Variants in CPA6 observed in about 807,000 individuals in gnomAD.
CPA6 encodes the protein carboxypeptidase A6, also known as carboxypeptidase B.
CPA6 carries 58 observed loss-of-function variants against 63.3 expected under a neutral mutation model. That is an observed-to-expected ratio of 0.92 (90% CI 0.74 to 1.14). The LOEUF is 1.14. Among genes scored for constraint, CPA6 ranks in the 50% most tolerant of loss-of-function variants. The pLI is 0.00. For missense variants in CPA6, 565 were observed against 526.6 expected, an observed-to-expected ratio of 1.07 and a Z score of -0.71; for synonymous variants, 185 against 179.0, an observed-to-expected ratio of 1.03 and a Z score of -0.27.
intron 1 of CPA6, among the ~76,000 whole-genome samples, chr8:67,708,864 G>A (rs1817194487): frequency 6.6e-6 from 1 of 152,100 alleles, no homozygotes; most frequent in Admixed American, 6.6e-5. Flanking sequence ...AGCAGGAGAG[G>A]GCCCCCAACC....
chr8:67,540,875 G>T (rs1363561233), intron 2 of CPA6, among the ~76,000 whole-genome samples: 1 of 152,200 alleles, frequency 6.6e-6, no homozygotes, highest in African/African-American at 2.4e-5. Context: ...CAGTGTCCCA[G>T]GTTGACTTCA....
chr8:67,529,439 G>A (rs1194258805), intron 2 of CPA6, among the ~76,000 whole-genome samples: 2 of 152,128 alleles, frequency 1.3e-5, no homozygotes, highest in Non-Finnish European at 2.9e-5. Flanking sequence ...TACCACTGAG[G>A]AGTATGGAAG....
At chr8:67,467,564 A>AT (rs1346967108) in intron 8 of CPA6, among the ~76,000 whole-genome samples, 3 of 152,114 alleles carry the variant, frequency 2.0e-5, no homozygotes, top group Non-Finnish European at 4.4e-5. Context: ...CTGGTGTCTT[A>AT]ATAAGTGCTG....
intron 2 of CPA6, among the ~76,000 whole-genome samples, chr8:67,532,181 A>G (rs926376614): frequency 2.0e-5 from 3 of 152,172 alleles, no homozygotes; most frequent in African/African-American, 7.2e-5. Flanking sequence ...AATAGAAAAT[A>G]AAAGTGTTAG....
intron 1 of CPA6, among the ~76,000 whole-genome samples, chr8:67,686,438 T>G (rs1263869954): frequency 6.6e-6 from 1 of 152,232 alleles, no homozygotes; most frequent in South Asian, 2.1e-4. Flanking sequence ...CCTCTTTTAT[T>G]ACATGTACAT....
intron 1 of CPA6, among the ~76,000 whole-genome samples, chr8:67,706,047 G>T (rs1817127603): frequency 6.6e-6 from 1 of 152,072 alleles, no homozygotes. Flanking sequence ...TTTACAAAGA[G>T]GAATGCTTAG....
chr8:67,732,544 A>T (rs1398974544), intron 1 of CPA6: 1 of 152,264 alleles, frequency 6.6e-6, no homozygotes, highest in Non-Finnish European at 1.5e-5. Flanking sequence ...TAGGACATCC[A>T]CATACAACTG....
intron 8 of CPA6, among the ~76,000 whole-genome samples, chr8:67,445,404 T>C (rs567374539): frequency 2.1e-4 from 32 of 152,334 alleles, no homozygotes; most frequent in African/African-American, 7.2e-4. Flanking sequence ...TCCTGTTTTC[T>C]TCAAATGTCT....
Position 67,542,769 on chromosome 8 carries a change from C to T in CPA6, c.193-24722G>A, listed in dbSNP as rs77154745. ...CAAGCAAGGCACAGAGGAAGACAGGCAGTTCTTGATCCCTATTCAACCCAT... is the reference window on the plus strand; with the variant it reads ...CAAGCAAGGCACAGAGGAAGACAGGTAGTTCTTGATCCCTATTCAACCCAT... On this transcript the variant is annotated intron_variant, in intron 2 of 10. Transcript: ENST00000297770. Among the ~76,000 whole-genome samples, 994 of 152,276 alleles carry T rather than the reference C, an allele frequency of 6.5e-3. 9 individuals carry two copies. Among genetic ancestry groups the T allele is most frequent in the African/African-American group, 0.022 (930 of 41,556 alleles).
At chr8:67,447,625 A>C (rs1028538630) in intron 8 of CPA6, among the ~76,000 whole-genome samples, 1 of 151,928 alleles carries the variant, frequency 6.6e-6, no homozygotes, top group African/African-American at 2.4e-5. Context: ...ATTTTCATAG[A>C]TTTTTTGCCA....
chr8:67,591,786 G>A (rs1814132950), intron 2 of CPA6, among the ~76,000 whole-genome samples: 1 of 152,176 alleles, frequency 6.6e-6, no homozygotes, highest in African/African-American at 2.4e-5. Flanking sequence ...GAGACTTTGG[G>A]CTGAGACAAT....
intron 1 of CPA6, among the ~76,000 whole-genome samples, chr8:67,628,612 A>G (rs1815246560): frequency 6.6e-6 from 1 of 152,228 alleles, no homozygotes; most frequent in Non-Finnish European, 1.5e-5. Context: ...ACGTACACGC[A>G]GTGTTTGTTT....
intron 8 of CPA6, among the ~76,000 whole-genome samples, chr8:67,435,490 G>T (rs1563951460): frequency 6.6e-6 from 1 of 152,178 alleles, no homozygotes; most frequent in African/African-American, 2.4e-5. Context: ...GGGGCCCTGT[G>T]ATGGGGAGGA....
intron 1 of CPA6, among the ~76,000 whole-genome samples, chr8:67,650,767 G>A (rs755210399): frequency 1.2e-4 from 19 of 152,216 alleles, no homozygotes; most frequent in Non-Finnish European, 2.5e-4. Context: ...GATCCCACAC[G>A]CACTTGCCTA....
intron 8 of CPA6, among the ~76,000 whole-genome samples, chr8:67,457,472 C>CTA (rs1344334302): frequency 2.0e-5 from 3 of 152,210 alleles, no homozygotes; most frequent in East Asian, 1.9e-4. Context: ...CCACAGCAAT[C>CTA]TGATCCCTTC....
At chr8:67,744,894 C>T (rs1817979657) in intron 1 of CPA6, among the ~76,000 whole-genome samples, 1 of 152,140 alleles carries the variant, frequency 6.6e-6, no homozygotes, top group African/African-American at 2.4e-5. Context: ...TCTCATCCTG[C>T]CTCCCCTAAA....
chr8:67,625,920 G>C (rs1815184064), intron 1 of CPA6, among the ~76,000 whole-genome samples: 1 of 152,126 alleles, frequency 6.6e-6, no homozygotes, highest in Non-Finnish European at 1.5e-5. Flanking sequence ...TTGGAGGAGG[G>C]GCTTGGTGGA....
intron 1 of CPA6, among the ~76,000 whole-genome samples, chr8:67,647,446 G>A (rs1815737465): frequency 6.6e-6 from 1 of 151,994 alleles, no homozygotes; most frequent in Admixed American, 6.6e-5. Flanking sequence ...AAGTAGCAGG[G>A]ATTACAGGTG....
intron 2 of CPA6, among the ~76,000 whole-genome samples, chr8:67,534,949 T>C (rs956686534): frequency 3.3e-5 from 5 of 151,398 alleles, no homozygotes; most frequent in Admixed American, 6.6e-5. Context: ...CTCCCACTTA[T>C]GAACATGTGG....
Sources: gnomAD v4.1 joint callset for allele counts (sites outside exome capture counted in the v4.1 genomes callset) on GRCh38, gnomAD v4.1.1 for gene constraint, MANE v1.5 for transcripts, NCBI Gene and HGNC (gene_info 2026-07-23, HGNC 2026-07-21) for gene names.